Variants in ZFPM2 observed in about 807,000 individuals in gnomAD.
ZFPM2 encodes the protein zinc finger protein, FOG family member 2.
In ZFPM2, 20 loss-of-function variants were observed where a neutral mutation model predicts 98.6. That is an observed-to-expected ratio of 0.20 (90% CI 0.14 to 0.29). ZFPM2 has a LOEUF of 0.29. ZFPM2 is among the 10% of genes least tolerant of loss of function. ZFPM2 has a pLI of 1.00. For missense variants in ZFPM2, 1,310 were observed against 1,388.6 expected, an observed-to-expected ratio of 0.94 and a Z score of 0.90; for synonymous variants, 518 against 502.7, an observed-to-expected ratio of 1.03 and a Z score of -0.41.
At chr8:105,570,595 C>G (rs1815333928) in intron 4 of ZFPM2, among the ~76,000 whole-genome samples, 1 of 152,090 alleles carries the variant, frequency 6.6e-6, no homozygotes, top group African/African-American at 2.4e-5. Flanking sequence ...AAATGAAAAC[C>G]TGAATTTGTG....
chr8:105,623,888 A>T (rs1361798180), intron 4 of ZFPM2, among the ~76,000 whole-genome samples: 1 of 152,188 alleles, frequency 6.6e-6, no homozygotes, highest in Non-Finnish European at 1.5e-5. Context: ...ATCAAAATGT[A>T]GTAAGTTAAA....
chr8:105,489,539 C>T (rs1405988261), intron 3 of ZFPM2, among the ~76,000 whole-genome samples: 1 of 148,026 alleles, frequency 6.8e-6, no homozygotes, highest in Non-Finnish European at 1.5e-5. Context: ...TCTCAGCTCA[C>T]TGCAGCCTCT....
chr8:105,712,477 G>A (rs1811423861), intron 5 of ZFPM2, among the ~76,000 whole-genome samples: 1 of 151,978 alleles, frequency 6.6e-6, no homozygotes, highest in Non-Finnish European at 1.5e-5. Flanking sequence ...TGATGCGGAG[G>A]TATGTCGGAA....
chr8:105,518,786 T>G (rs1388770716), intron 3 of ZFPM2, among the ~76,000 whole-genome samples: 2 of 152,218 alleles, frequency 1.3e-5, no homozygotes, highest in Non-Finnish European at 2.9e-5. Flanking sequence ...CTTCTACATT[T>G]TGGAATAAGG....
chr8:105,481,026 A>T (rs1813106059), intron 3 of ZFPM2, among the ~76,000 whole-genome samples: 1 of 152,210 alleles, frequency 6.6e-6, no homozygotes, highest in East Asian at 1.9e-4. Flanking sequence ...CTGGGATTAC[A>T]GGCGTGAGCC....
intron 5 of ZFPM2, among the ~76,000 whole-genome samples, chr8:105,786,182 C>T (rs1213144391): frequency 6.6e-6 from 1 of 151,456 alleles, no homozygotes; most frequent in Non-Finnish European, 1.5e-5. Context: ...GATGTACCTG[C>T]CTGGTCCTGC....
chr8:105,751,441 A>G (rs1320041326), intron 5 of ZFPM2, among the ~76,000 whole-genome samples: 1 of 152,062 alleles, frequency 6.6e-6, no homozygotes, highest in Non-Finnish European at 1.5e-5. Context: ...CTTCCTGGGA[A>G]AACTAAAATG....
chr8:105,640,110 AT>A (rs1816922835), intron 5 of ZFPM2, among the ~76,000 whole-genome samples: 1 of 151,956 alleles, frequency 6.6e-6, no homozygotes, highest in Non-Finnish European at 1.5e-5. Flanking sequence ...TGCTTTTCCC[AT>A]TTTACAGATG....
At chr8:105,663,662 G>A (rs541395908) in intron 5 of ZFPM2, among the ~76,000 whole-genome samples, 16 of 152,166 alleles carry the variant, frequency 1.1e-4, no homozygotes, top group South Asian at 2.1e-4. Flanking sequence ...GAATGTATGC[G>A]TCAGTCATAT....
At chr8:105,493,790 T>C (rs945084781) in intron 3 of ZFPM2, among the ~76,000 whole-genome samples, 2 of 152,184 alleles carry the variant, frequency 1.3e-5, no homozygotes, top group Non-Finnish European at 1.5e-5. Flanking sequence ...CTTTTGTCTC[T>C]CTTTTCTGTT....
At chr8:105,724,281 G>A (rs528983252) in intron 5 of ZFPM2, among the ~76,000 whole-genome samples, 73 of 151,868 alleles carry the variant, frequency 4.8e-4, no homozygotes, top group African/African-American at 1.6e-3. Flanking sequence ...TTTACAATGC[G>A]CAGATTCAGT....
At chr8:105,711,232 A>C (rs1263824043) in intron 5 of ZFPM2, among the ~76,000 whole-genome samples, 1 of 151,932 alleles carries the variant, frequency 6.6e-6, no homozygotes, top group Admixed American at 6.6e-5. Context: ...AGTTTGCCAA[A>C]CTCTGCTCCA....
chr8:105,745,505 C>T (rs1317600176), intron 5 of ZFPM2, among the ~76,000 whole-genome samples: 2 of 152,038 alleles, frequency 1.3e-5, no homozygotes, highest in Non-Finnish European at 2.9e-5. Context: ...TATAGTAAAA[C>T]AGTTATCGTG....
In ZFPM2 at chr8:105,593,185, G is replaced by A. The variant is rs115415999; in HGVS notation, c.420+31704G>A. ...TGTCTAAGAACTTGTTAATGGTATC[G>A]ACATGAGTGTATATGTACACATAAA... On this transcript the variant is annotated intron_variant, in intron 4 of 7. Coordinates refer to ENST00000407775, the MANE Select transcript of ZFPM2 (RefSeq NM_012082.4). 2.8e-3 allele frequency among the ~76,000 whole-genome samples: 419 copies of A among 152,104 alleles called. 2 individuals carry two copies. The highest frequency in any genetic ancestry group is 9.3e-3 in the African/African-American group (388 of 41,502).
chr8:105,732,991 G>A (rs1811977882), intron 5 of ZFPM2, among the ~76,000 whole-genome samples: 2 of 151,808 alleles, frequency 1.3e-5, no homozygotes, highest in African/African-American at 2.4e-5. Context: ...AAAGATGTAA[G>A]CATATAGAAT....
chr8:105,358,040 T>G (rs936696196), intron 1 of ZFPM2, among the ~76,000 whole-genome samples: 1 of 152,244 alleles, frequency 6.6e-6, no homozygotes, highest in Non-Finnish European at 1.5e-5. Context: ...TGGATTCAGC[T>G]GTTCTTTACT....
At chr8:105,430,293 G>T (rs1482714768) in intron 2 of ZFPM2, among the ~76,000 whole-genome samples, 1 of 152,174 alleles carries the variant, frequency 6.6e-6, no homozygotes, top group African/African-American at 2.4e-5. Context: ...CACCAAGCCT[G>T]AATCAACCCC....
intron 5 of ZFPM2, among the ~76,000 whole-genome samples, chr8:105,701,723 T>A (rs1173606600): frequency 6.6e-6 from 1 of 152,198 alleles, no homozygotes; most frequent in Non-Finnish European, 1.5e-5. Context: ...TACCTGAAAA[T>A]ATAGTCTTCA....
At chr8:105,386,316 A>G (rs1349011466) in intron 1 of ZFPM2, among the ~76,000 whole-genome samples, 1 of 152,146 alleles carries the variant, frequency 6.6e-6, no homozygotes, top group African/African-American at 2.4e-5. Context: ...TTTTTTACAT[A>G]TTCTTTTAAG....
Sources: gnomAD v4.1 joint callset for allele counts (sites outside exome capture counted in the v4.1 genomes callset) on GRCh38, gnomAD v4.1.1 for gene constraint, MANE v1.5 for transcripts, NCBI Gene and HGNC (gene_info 2026-07-23, HGNC 2026-07-21) for gene names.